Variants in ZBTB16 observed in about 807,000 individuals in gnomAD.
ZBTB16 encodes zinc finger and BTB domain containing 16, also known as zinc finger and BTB domain-containing protein 16.
ZBTB16 carries 8 observed loss-of-function variants against 56.8 expected under a neutral mutation model. That is an observed-to-expected ratio of 0.14 (90% CI 0.08 to 0.25). ZBTB16 has a LOEUF of 0.25. ZBTB16 is among the 10% of genes least tolerant of loss of function. The pLI is 1.00. For synonymous variants in ZBTB16, 363 were observed against 368.5 expected (o/e 0.98, Z 0.17); for missense variants, 625 against 903.0 (o/e 0.69, Z 3.95).
intron 3 of ZBTB16, among the ~76,000 whole-genome samples, chr11:114,173,819 G>A (rs753094242): frequency 1.3e-5 from 2 of 152,184 alleles, no homozygotes; most frequent in African/African-American, 2.4e-5. Context: ...GGCCTTTGTC[G>A]TTTGCTATCA....
chr11:114,104,602 A>G (rs891569738), intron 2 of ZBTB16, among the ~76,000 whole-genome samples: 2 of 152,192 alleles, frequency 1.3e-5, no homozygotes, highest in Non-Finnish European at 2.9e-5. Flanking sequence ...GATGACTATC[A>G]GATTCAGTGA....
chr11:114,170,707 C>G (rs1300084975), intron 3 of ZBTB16, among the ~76,000 whole-genome samples: 1 of 151,900 alleles, frequency 6.6e-6, no homozygotes, highest in Non-Finnish European at 1.5e-5. Flanking sequence ...TAAACTTCAG[C>G]AGCTCTCTTA....
rs761374297 is a variant in ZBTB16, at chr11:114,114,682, CT to C, written c.1269-41640del. Among the ~76,000 whole-genome samples the C allele has an allele frequency of 9.0e-3, 1,260 of 139,962 alleles. 10 individuals are homozygous for C. Among genetic ancestry groups the C allele is most frequent in the South Asian group, 0.014 (63 of 4,382 alleles). The allele number at this position is 139,962 out of a possible 152,430, so 91.8% of individuals were successfully genotyped here. ...GATCATTCTATGCTATATGTTTTTT[CT>C]TTTTTTTTTTTTTTGAGGCAGGGTC... is the stretch of plus-strand genomic sequence containing the variant. On this transcript the variant is annotated intron_variant, in intron 2 of 6. Coordinates refer to ENST00000335953, the MANE Select transcript of ZBTB16 (RefSeq NM_006006.6).
chr11:114,172,259 AAG>A (rs926175113), intron 3 of ZBTB16, among the ~76,000 whole-genome samples: 1 of 152,198 alleles, frequency 6.6e-6, no homozygotes, highest in African/African-American at 2.4e-5. Context: ...GGCAAGGCAG[AAG>A]AGACAAAAAC....
At chr11:114,229,098 C>T (rs1944387236) in intron 4 of ZBTB16, among the ~76,000 whole-genome samples, 1 of 152,174 alleles carries the variant, frequency 6.6e-6, no homozygotes, top group South Asian at 2.1e-4. Context: ...AAGTCAGATC[C>T]CTTTTTGGTA....
chr11:114,227,461 C>T (rs756495506), intron 4 of ZBTB16, among the ~76,000 whole-genome samples: 1 of 152,212 alleles, frequency 6.6e-6, no homozygotes, highest in Non-Finnish European at 1.5e-5. Flanking sequence ...TTGTGCAATC[C>T]TTTATCCATC....
chr11:114,227,175 G>A (rs955442405), intron 4 of ZBTB16, among the ~76,000 whole-genome samples: 3 of 152,288 alleles, frequency 2.0e-5, no homozygotes, highest in South Asian at 2.1e-4. Context: ...CCGGAGCAGC[G>A]CTGTCCCTGA....
At chr11:114,126,320 A>G (rs962179551) in intron 2 of ZBTB16, among the ~76,000 whole-genome samples, 1 of 151,970 alleles carries the variant, frequency 6.6e-6, no homozygotes, top group African/African-American at 2.4e-5. Context: ...AACCTTAATA[A>G]CTCTTTCTCT....
intron 4 of ZBTB16, among the ~76,000 whole-genome samples, chr11:114,201,835 G>C (rs1591776847): frequency 6.6e-6 from 1 of 152,234 alleles, no homozygotes; most frequent in South Asian, 2.1e-4. Flanking sequence ...CTATTTTTGA[G>C]TAATAATAAT....
At chr11:114,081,902 T>G (rs1195590596) in intron 2 of ZBTB16, among the ~76,000 whole-genome samples, 1 of 151,844 alleles carries the variant, frequency 6.6e-6, no homozygotes, top group Non-Finnish European at 1.5e-5. Context: ...GCATGAAGAA[T>G]GGAGAGAAAA....
chr11:114,098,901 G>GT (rs1334760036), intron 2 of ZBTB16, among the ~76,000 whole-genome samples: 1 of 152,172 alleles, frequency 6.6e-6, no homozygotes, highest in Non-Finnish European at 1.5e-5. Context: ...ATTATTTGTG[G>GT]TTTTCAGCCC....
intron 2 of ZBTB16, among the ~76,000 whole-genome samples, chr11:114,122,202 G>A (rs1346243201): frequency 1.3e-5 from 2 of 152,192 alleles, no homozygotes; most frequent in African/African-American, 4.8e-5. Context: ...CTTAGAATCT[G>A]TAATAGATCT....
chr11:114,066,813 C>A (rs180736350), intron 2 of ZBTB16, among the ~76,000 whole-genome samples: 14 of 144,344 alleles, frequency 9.7e-5, no homozygotes, highest in African/African-American at 3.7e-4. Context: ...GCTCTGTCAC[C>A]GGGCTGGAGT....
intron 5 of ZBTB16, among the ~76,000 whole-genome samples, chr11:114,244,812 C>A (rs1944781599): frequency 6.6e-6 from 1 of 152,122 alleles, no homozygotes; most frequent in African/African-American, 2.4e-5. Flanking sequence ...TTGTTAGGGA[C>A]CCCTCTGGAG....
chr11:114,183,046 C>G (rs2852796), intron 3 of ZBTB16, among the ~76,000 whole-genome samples: 1 of 152,028 alleles, frequency 6.6e-6, no homozygotes, highest in African/African-American at 2.4e-5. Flanking sequence ...CTGTCTCGCT[C>G]GGCTCCGCTC....
At chr11:114,083,787 TGCCGCCCC>T (rs900200599) in intron 2 of ZBTB16, among the ~76,000 whole-genome samples, 1 of 152,172 alleles carries the variant, frequency 6.6e-6, no homozygotes, top group African/African-American at 2.4e-5. Context: ...GTATTCTTGA[TGCCGCCCC>T]CCCGCCCCAC....
At chr11:114,156,627 G>A (rs1262259839) in intron 3 of ZBTB16, among the ~76,000 whole-genome samples, 193 bp downstream of exon 3, 1 of 152,178 alleles carries the variant, frequency 6.6e-6, no homozygotes, top group African/African-American at 2.4e-5. Flanking sequence ...CCACTTGGAT[G>A]AACCCACCTT....
Position 114,247,080 on chromosome 11 carries a change from C to G in ZBTB16, c.1625-118C>G, listed in dbSNP as rs1045945206. 33 of 1,365,208 alleles carry G rather than the reference C, an allele frequency of 2.4e-5. No homozygotes were observed. In the Admixed American group the frequency reaches 2.5e-4, roughly 10 times the overall value. The allele number at this position is 1,365,208 out of a possible 1,614,324, so 84.6% of individuals were successfully genotyped here. On this transcript the variant is annotated intron_variant, in intron 5 of 6. Transcript: ENST00000335953. ...GTGTGGCCGTGGATCCTTAAGTTGT[C>G]TTTGGAGGTGGTGAATACAGGCCGT...
chr11:114,169,727 A>G (rs1421304824), intron 3 of ZBTB16, among the ~76,000 whole-genome samples: 2 of 152,172 alleles, frequency 1.3e-5, no homozygotes, highest in African/African-American at 4.8e-5. Flanking sequence ...TTGTGACCGC[A>G]AGAGGAAAGA....
Sources: gnomAD v4.1 joint callset for allele counts (sites outside exome capture counted in the v4.1 genomes callset) on GRCh38, gnomAD v4.1.1 for gene constraint, MANE v1.5 for transcripts, NCBI Gene and HGNC (gene_info 2026-07-23, HGNC 2026-07-21) for gene names.